Variants in ADK observed in about 807,000 individuals in gnomAD.
ADK encodes the protein N6,N6-dimethyladenosine kinase.
In ADK, 24 loss-of-function variants were observed where a neutral mutation model predicts 44.7. The ratio of observed to expected loss-of-function variants is 0.54; its 90% CI spans 0.39 to 0.76. The LOEUF is 0.76. Ranked by LOEUF, ADK falls within the 30% of genes least tolerant of loss-of-function variation. The pLI, the probability that ADK is intolerant of heterozygous loss-of-function variation, is 0.00. For synonymous variants in ADK, 128 were observed against 142.6 expected (o/e 0.90, Z 0.73); for missense variants, 321 against 425.1 (o/e 0.76, Z 2.15).
At chr10:74,633,463 T>C (rs1853509654) in intron 9 of ADK, among the ~76,000 whole-genome samples, 1 of 152,176 alleles carries the variant, frequency 6.6e-6, no homozygotes, top group South Asian at 2.1e-4. Context: ...CAAAGGTCCA[T>C]AAAGAGTAAA....
At chr10:74,360,545 GCT>G (rs1409129397) in intron 4 of ADK, among the ~76,000 whole-genome samples, 1 of 151,686 alleles carries the variant, frequency 6.6e-6, no homozygotes, top group African/African-American at 2.4e-5. Context: ...ATTCACACTT[GCT>G]CTCTCTCATG....
In ADK at chr10:74,309,324, CATATTTCT is replaced by C. The variant is rs200399070; in HGVS notation, c.195-5340_195-5333del. ...TCCAACCACAAAGTGTTTAATTCTA[CATATTTCT>C]ATTTTTATTTTACATGATCTTAATA... is the stretch of plus-strand genomic sequence containing the variant. On this transcript the variant is annotated intron_variant, in intron 3 of 10. Transcript: ENST00000539909. 1.1e-3 allele frequency among the ~76,000 whole-genome samples: 168 copies of C among 152,198 alleles called. 3 individuals carry two copies. In the East Asian group the frequency reaches 0.026, roughly 24 times the overall value.
chr10:74,153,330 T>C lies in ADK; in HGVS notation c.65+1987T>C, dbSNP rs191311922. On this transcript the variant is annotated intron_variant, in intron 1 of 10. Coordinates refer to ENST00000539909, the MANE Select transcript of ADK (RefSeq NM_006721.4). ...AGCTATTGGCACCTAGTGGATGGAA[T>C]TCAGGGGTGCTGCTAAACATGCTAC... Among the ~76,000 whole-genome samples the C allele has an allele frequency of 1.1e-4, 16 of 152,298 alleles. No homozygotes were observed. In the East Asian group the frequency reaches 2.5e-3, roughly 24 times the overall value.
At chr10:74,688,097 C>G (rs1024252843) in intron 10 of ADK, among the ~76,000 whole-genome samples, 1 of 152,144 alleles carries the variant, frequency 6.6e-6, no homozygotes, top group Non-Finnish European at 1.5e-5. Context: ...CATGATGTAG[C>G]TATACTGTCA....
intron 9 of ADK, among the ~76,000 whole-genome samples, chr10:74,617,851 C>T (rs1191411284): frequency 6.6e-6 from 1 of 152,188 alleles, no homozygotes; most frequent in East Asian, 1.9e-4. Context: ...CTTGGGCTCC[C>T]ATAGTGCGGG....
chr10:74,644,612 T>G (rs2134108880), intron 9 of ADK, among the ~76,000 whole-genome samples: 1 of 152,298 alleles, frequency 6.6e-6, no homozygotes, highest in Middle Eastern at 3.4e-3. Context: ...TAGATCACTG[T>G]AACCTCGAAC....
intron 2 of ADK, among the ~76,000 whole-genome samples, chr10:74,211,930 T>A (rs1843827290): frequency 6.6e-6 from 1 of 152,204 alleles, no homozygotes; most frequent in South Asian, 2.1e-4. Flanking sequence ...TTCTAGATTA[T>A]TGGTGGTGTT....
intron 9 of ADK, among the ~76,000 whole-genome samples, chr10:74,612,146 T>G (rs1852575684): frequency 6.6e-6 from 1 of 152,202 alleles, no homozygotes; most frequent in Non-Finnish European, 1.5e-5. Context: ...TTTTTTACTT[T>G]TTAATAATAG....
At chr10:74,152,859 T>C (rs1841644902) in intron 1 of ADK, among the ~76,000 whole-genome samples, 1 of 152,238 alleles carries the variant, frequency 6.6e-6, no homozygotes, top group Admixed American at 6.5e-5. Flanking sequence ...CTTAGGCAAC[T>C]AAAATTCACT....
At chr10:74,677,464 C>T (rs1256814622) in intron 10 of ADK, among the ~76,000 whole-genome samples, 1 of 152,160 alleles carries the variant, frequency 6.6e-6, no homozygotes, top group Non-Finnish European at 1.5e-5. Context: ...CTTCCTTCCC[C>T]ATTCTTCTTA....
At chr10:74,234,435 C>A (rs554575472) in intron 3 of ADK, among the ~76,000 whole-genome samples, 61 of 152,100 alleles carry the variant, frequency 4.0e-4, no homozygotes, top group Non-Finnish European at 8.7e-4. Context: ...TGATTGCTTT[C>A]CATTTTGTAT....
chr10:74,572,876 A>G (rs371574592), intron 7 of ADK, among the ~76,000 whole-genome samples: 28 of 148,016 alleles, frequency 1.9e-4, no homozygotes, highest in African/African-American at 5.4e-4. Context: ...GCACTTCTCT[A>G]TATTGGTTAT....
chr10:74,650,715 C>A (rs1353058809), intron 9 of ADK, among the ~76,000 whole-genome samples: 1 of 152,178 alleles, frequency 6.6e-6, no homozygotes, highest in Non-Finnish European at 1.5e-5. Flanking sequence ...CAATTAATGA[C>A]ATCAACCTTG....
Position 74,347,106 on chromosome 10 carries a change from CAAAAAAAAAAAAAAAAAAAA to C in ADK, c.273+32378_273+32397del, listed in dbSNP as rs58074760. 2.3e-3 allele frequency among the ~76,000 whole-genome samples: 216 copies of C among 92,274 alleles called. 8 individuals carry two copies. The East Asian group carries it at 0.056, about 24-fold the overall frequency. The allele number at this position is 92,274 out of a possible 152,430, so 60.5% of individuals were successfully genotyped here. A position where few individuals can be genotyped will look rare whatever the true frequency, so the allele number is the denominator to read the frequency against. On this transcript the variant is annotated intron_variant, in intron 4 of 10. Coordinates refer to ENST00000539909, the MANE Select transcript of ADK (RefSeq NM_006721.4). ...TGGGCGACAGAGCGACACTCTGTCTCAAAAAAAAAAAAAAAAAAAAAAAAAAAAAAAAAAAAGATGGCCGA... is the reference window on the plus strand; with the variant it reads ...TGGGCGACAGAGCGACACTCTGTCTCAAAAAAAAAAAAAAAAGATGGCCGA...
intron 3 of ADK, among the ~76,000 whole-genome samples, chr10:74,250,085 CTA>C (rs1191057784): frequency 6.6e-6 from 1 of 152,174 alleles, no homozygotes; most frequent in Non-Finnish European, 1.5e-5. Flanking sequence ...AATGCTTACT[CTA>C]TGTACTAGAA....
chr10:74,593,475 C>CA (rs35392498), intron 8 of ADK, among the ~76,000 whole-genome samples: 33,665 of 148,584 alleles, frequency 0.23, 4,653 homozygotes, highest in East Asian at 0.64. Context: ...CTAGCAATGA[C>CA]AAAAAAAAAG....
intron 9 of ADK, among the ~76,000 whole-genome samples, chr10:74,636,313 AC>A (rs1853621309): frequency 6.6e-6 from 1 of 152,226 alleles, no homozygotes; most frequent in South Asian, 2.1e-4. Context: ...GTGCTTGGCT[AC>A]AGAGCTGGGT....
At chr10:74,577,184 TTTC>T (rs1483504729) in intron 7 of ADK, among the ~76,000 whole-genome samples, 3 of 151,546 alleles carry the variant, frequency 2.0e-5, no homozygotes, top group African/African-American at 7.3e-5. Flanking sequence ...CCAATTTCTT[TTTC>T]AAGCATGTTA....
chr10:74,532,758 G>C (rs1029196429), intron 7 of ADK, among the ~76,000 whole-genome samples: 2 of 151,604 alleles, frequency 1.3e-5, no homozygotes, highest in Non-Finnish European at 2.9e-5. Context: ...AAAATTAGCT[G>C]GGCATGGTGG....
Sources: gnomAD v4.1 joint callset for allele counts (sites outside exome capture counted in the v4.1 genomes callset) on GRCh38, gnomAD v4.1.1 for gene constraint, MANE v1.5 for transcripts, NCBI Gene and HGNC (gene_info 2026-07-23, HGNC 2026-07-21) for gene names.